The following FBXL17 variants were observed in gnomAD, a reference collection of about 807,000 sequenced individuals.
The protein encoded by FBXL17 is F-box/LRR-repeat protein 17.
FBXL17 carries 22 observed loss-of-function variants against 66.2 expected under a neutral mutation model. The observed-to-expected ratio is 0.33, with a 90% confidence interval of 0.24 to 0.47. The LOEUF is 0.47. FBXL17 is among the 20% of genes least tolerant of loss of function. The pLI, the probability that FBXL17 is intolerant of heterozygous loss-of-function variation, is 1.00. For missense variants in FBXL17, 878 were observed against 948.2 expected (o/e 0.93, Z 0.97); for synonymous variants, 474 against 400.5 (o/e 1.18, Z -2.19).
chr5:108,121,196 C>T (rs1750479954), intron 6 of FBXL17, among the ~76,000 whole-genome samples: 1 of 151,992 alleles, frequency 6.6e-6, no homozygotes, highest in Non-Finnish European at 1.5e-5. Flanking sequence ...GGCATGGTGG[C>T]GCATGCCCAT....
At chr5:108,142,145 A>G (rs752300900) in intron 6 of FBXL17, among the ~76,000 whole-genome samples, 2 of 152,260 alleles carry the variant, frequency 1.3e-5, no homozygotes, top group Non-Finnish European at 2.9e-5. Context: ...ACACAAACAC[A>G]TTCTAACTCA....
intron 6 of FBXL17, among the ~76,000 whole-genome samples, chr5:108,031,064 T>A (rs916466254): frequency 6.6e-6 from 1 of 152,058 alleles, no homozygotes; most frequent in Non-Finnish European, 1.5e-5. Flanking sequence ...CAATGACATA[T>A]CGCACTCTGA....
chr5:108,044,063 C>G (rs1289178820), intron 6 of FBXL17, among the ~76,000 whole-genome samples: 4 of 152,166 alleles, frequency 2.6e-5, no homozygotes, highest in Non-Finnish European at 5.9e-5. Context: ...GTCTTGCTTA[C>G]TAGTTCTAGA....
In FBXL17 at chr5:108,055,309, A is replaced by AAAAAAAAC. The variant is rs1561388295; in HGVS notation, c.1746-34309_1746-34308insGTTTTTTT. ...AAAAAAAAAAAAAAAAAAAAAAAAA[A>AAAAAAAAC]AAAAGAAAAACGCTTCAGGCCGGGC... On this transcript the variant is annotated intron_variant, in intron 6 of 8. Coordinates refer to ENST00000542267, the MANE Select transcript of FBXL17 (RefSeq NM_001163315.3). Among the ~76,000 whole-genome samples the AAAAAAAAC allele has an allele frequency of 2.3e-3, 51 of 22,518 alleles. 3 individuals are homozygous for AAAAAAAAC. The highest frequency in any genetic ancestry group is 8.3e-3 in the African/African-American group (44 of 5,328). The allele number at this position is 22,518 out of a possible 152,430, so 14.8% of individuals were successfully genotyped here. A position where few individuals can be genotyped will look rare whatever the true frequency, so the allele number is the denominator to read the frequency against.
rs1411480247 is a variant in FBXL17 at position 108,169,591 on chromosome 5, C to T, written c.1745+16526G>A. Among the ~76,000 whole-genome samples, 5 of 152,176 alleles carry T rather than the reference C, an allele frequency of 3.3e-5. No individual in the cohort carries two copies. The South Asian group carries it at 8.3e-4, about 25-fold the overall frequency. Reference sequence around the variant, plus strand: ...TTTTTTAAATCTAGTAAGGTTAACACGTTGTCAGTTAGGCTAAAACTGAAT... The same window carrying T: ...TTTTTTAAATCTAGTAAGGTTAACATGTTGTCAGTTAGGCTAAAACTGAAT... On this transcript the variant is annotated intron_variant, in intron 6 of 8. Transcript: ENST00000542267.
At chr5:108,171,502 A>C (rs1422845796) in intron 6 of FBXL17, among the ~76,000 whole-genome samples, 1 of 152,224 alleles carries the variant, frequency 6.6e-6, no homozygotes. Flanking sequence ...TAATGTGATA[A>C]TTAAATAACT....
chr5:108,146,097 T>G (rs539600961), intron 6 of FBXL17, among the ~76,000 whole-genome samples: 6 of 152,124 alleles, frequency 3.9e-5, no homozygotes, highest in Admixed American at 3.9e-4. Context: ...CTGGGCGTGA[T>G]AGCGGGCACC....
intron 7 of FBXL17, among the ~76,000 whole-genome samples, chr5:107,939,073 C>A (rs1024064816): frequency 6.6e-6 from 1 of 152,042 alleles, no homozygotes; most frequent in Non-Finnish European, 1.5e-5. Context: ...TGACTATGTT[C>A]TGGAAGGGGA....
intron 5 of FBXL17, among the ~76,000 whole-genome samples, chr5:108,188,915 A>C (rs529045743): frequency 2.0e-5 from 3 of 152,346 alleles, no homozygotes; most frequent in Non-Finnish European, 4.4e-5. Context: ...ATAAGTTTCT[A>C]TAACTTTTCT....
chr5:107,928,378 G>A lies in FBXL17; in HGVS notation c.1823-47199C>T, dbSNP rs74442048. Among the ~76,000 whole-genome samples, 1,159 of 151,422 alleles carry A rather than the reference G, an allele frequency of 7.7e-3. 14 individuals are homozygous for A. The highest frequency in any genetic ancestry group is 7.7e-3 in the Non-Finnish European group (520 of 67,826). On this transcript the variant is annotated intron_variant, in intron 7 of 8. Coordinates refer to ENST00000542267, the MANE Select transcript of FBXL17 (RefSeq NM_001163315.3). ...AACCTTTATTTACTTAAGAGAGTTT[G>A]GCTCTAGGATTCTTTCCAAGAGACA...
chr5:108,071,159 G>T (rs1414998086), intron 6 of FBXL17, among the ~76,000 whole-genome samples: 1 of 152,202 alleles, frequency 6.6e-6, no homozygotes, highest in Admixed American at 6.5e-5. Context: ...TTGCAGCGAT[G>T]AACTCAGTTG....
intron 7 of FBXL17, among the ~76,000 whole-genome samples, chr5:107,957,038 C>T (rs1243294739): frequency 6.6e-6 from 1 of 152,184 alleles, no homozygotes; most frequent in Non-Finnish European, 1.5e-5. Flanking sequence ...ACCTTCAGTA[C>T]TGTGAGGTTG....
intron 4 of FBXL17, among the ~76,000 whole-genome samples, chr5:108,292,089 G>C (rs1758135246): frequency 6.6e-6 from 1 of 151,126 alleles, no homozygotes. Context: ...ATGCTTAAAG[G>C]ATAAAAGCCA....
intron 4 of FBXL17, among the ~76,000 whole-genome samples, chr5:108,296,164 TA>T (rs1440600036): frequency 6.6e-6 from 1 of 151,746 alleles, no homozygotes; most frequent in Admixed American, 6.6e-5. Context: ...ACTAAATTTT[TA>T]GGAGAAAGAC....
chr5:107,976,400 G>A (rs1580273783), intron 7 of FBXL17, among the ~76,000 whole-genome samples: 1 of 152,108 alleles, frequency 6.6e-6, no homozygotes, highest in Non-Finnish European at 1.5e-5. Flanking sequence ...GAGTTATTGG[G>A]TAGATTTGTT....
chr5:108,252,359 G>A (rs186728605), intron 4 of FBXL17, among the ~76,000 whole-genome samples: 63 of 152,182 alleles, frequency 4.1e-4, no homozygotes, highest in Non-Finnish European at 2.6e-4. Flanking sequence ...ACCAATGCAT[G>A]ATTGAAGAAA....
intron 4 of FBXL17, among the ~76,000 whole-genome samples, chr5:108,278,920 T>A (rs1050281418): frequency 2.6e-5 from 4 of 152,114 alleles, no homozygotes; most frequent in Non-Finnish European, 5.9e-5. Context: ...GGGTAAGAGA[T>A]CCAGGGTCCT....
chr5:107,914,435 T>C (rs1173885169), intron 7 of FBXL17, among the ~76,000 whole-genome samples: 1 of 152,220 alleles, frequency 6.6e-6, no homozygotes, highest in Non-Finnish European at 1.5e-5. Context: ...CTTTTTTAGA[T>C]CCACAGGTGC....
intron 6 of FBXL17, among the ~76,000 whole-genome samples, chr5:108,073,576 C>A (rs964718430): frequency 6.6e-6 from 1 of 152,100 alleles, no homozygotes; most frequent in African/African-American, 2.4e-5. Context: ...AAGTAATTAA[C>A]CTGCTCTATC....
Sources: allele counts gnomAD v4.1 joint callset (sites outside exome capture counted in the v4.1 genomes callset), GRCh38; gene constraint gnomAD v4.1.1; transcripts MANE v1.5; gene names NCBI Gene and HGNC (gene_info 2026-07-23, HGNC 2026-07-21).